The following CHRNA4 variants were observed in gnomAD, a reference collection of about 807,000 sequenced individuals.
The protein encoded by CHRNA4 is cholinergic receptor nicotinic alpha 4 subunit.
CHRNA4 carries 28 observed loss-of-function variants against 48.9 expected under a neutral mutation model. That is an observed-to-expected ratio of 0.57 (90% CI 0.42 to 0.79). The LOEUF (loss-of-function observed/expected upper bound fraction) is 0.79. CHRNA4 is among the 30% of genes least tolerant of loss of function. CHRNA4 has a pLI of 0.00. For synonymous variants in CHRNA4, 425 were observed against 402.3 expected (o/e 1.06, Z -0.68); for missense variants, 859 against 898.4 (o/e 0.96, Z 0.56).
Position 63,344,182 on chromosome 20 carries a change from TAA to T in CHRNA4, c.*2554_*2555del. The T allele has an allele frequency of 2.2e-6, 1 of 454,034 alleles. No homozygotes were observed. Among genetic ancestry groups the T allele is most frequent in the South Asian group, 1.6e-5 (1 of 64,470 alleles). The allele number at this position is 454,034 out of a possible 1,614,324, so 28.1% of individuals were successfully genotyped here. On this transcript the variant is annotated 3_prime_UTR_variant, in exon 6 of 6. Coordinates refer to ENST00000370263, the MANE Select transcript of CHRNA4 (RefSeq NM_000744.7). This position sits in a 1 kb window ranked among gnomAD's most constrained non-coding sequence, Gnocchi z 4.5. The stretch of plus-strand genomic sequence containing the variant: ...ACACACAACAGCACGGATGAAGCTC[TAA>T]GTCATAGGATGAAGAAGCCAGACAT...
In CHRNA4 at chr20:63,359,905, G is replaced by GTGTGTGTGTGTGCCGGGCGTGCGC. The variant is rs1555840815; in HGVS notation, c.77-207_77-206insGCGCACGCCCGGCACACACACACA. 0.019 allele frequency: 6,367 copies of GTGTGTGTGTGTGCCGGGCGTGCGC among 329,642 alleles called. 130 individuals carry two copies. Among genetic ancestry groups the GTGTGTGTGTGTGCCGGGCGTGCGC allele is most frequent in the African/African-American group, 0.096 (2,903 of 30,178 alleles). The allele number at this position is 329,642 out of a possible 1,614,324, so 20.4% of individuals were successfully genotyped here. On this transcript the variant is annotated intron_variant, in intron 1 of 5. Transcript: ENST00000370263. ...TGTGTGCCGGGCGTGTGCTGTGTGT[G>GTGTGTGTGTGTGCCGGGCGTGCGC]TGTGTGTGTGTGTGTGTGTGTGTGC... is the stretch of plus-strand genomic sequence containing the variant.
chr20:63,351,129 A>G, intron 4 of CHRNA4, 102 bp from the exon 5 acceptor site: 1 of 1,190,400 alleles, frequency 8.4e-7, no homozygotes. Flanking sequence ...ACCCACACCC[A>G]CATCCACGCC....
At chr20:63,352,263 C>G (rs900689984) in intron 4 of CHRNA4, among the ~76,000 whole-genome samples, 33 of 152,308 alleles carry the variant, frequency 2.2e-4, no homozygotes, top group African/African-American at 7.7e-4. Flanking sequence ...CCCCCGAGTC[C>G]CAGGGCTGGA....
At chr20:63,355,075 C>T (rs188655794) in intron 4 of CHRNA4, among the ~76,000 whole-genome samples, 312 of 152,270 alleles carry the variant, frequency 2.0e-3, no homozygotes, top group Non-Finnish European at 3.4e-3. Flanking sequence ...ATGGCTGGGA[C>T]GGGAGAGGAG....
At chr20:63,359,995 A>T (rs1427424393) in intron 1 of CHRNA4, 1 of 398,180 alleles carries the variant, frequency 2.5e-6, no homozygotes, top group African/African-American at 2.1e-5. Flanking sequence ...TGTAATTGTG[A>T]TTTCCTCGGG....
At position 63,343,687 on chromosome 20, in the gene CHRNA4, G is replaced by C; in HGVS notation, c.*3051C>G. The C allele has an allele frequency of 2.2e-6, 1 of 446,626 alleles. No homozygotes were observed. The highest frequency in any genetic ancestry group is 4.5e-6 in the Non-Finnish European group (1 of 221,910). 27.7% of individuals were successfully genotyped at this position (446,626 alleles called of 1,614,324 possible). On this transcript the variant is annotated 3_prime_UTR_variant, in exon 6 of 6. Coordinates refer to ENST00000370263, the MANE Select transcript of CHRNA4 (RefSeq NM_000744.7). ...GAGGCAGAAGGGGCTGGGAAGCCCT[G>C]GCCAGGGCCTTCACTGGGGCCTCCC...
chr20:63,349,980 C>T lies in CHRNA4; in HGVS notation c.1431G>A (p.Ala477=), dbSNP rs80307076. ...SVQHMSSPGE[A]VEGGVRCRSR... ...ACCGGCACCGGACGCCGCCTTCCAC[C>T]GCTTCGCCAGGGCTGGACATGTGCT... is the stretch of plus-strand genomic sequence containing the variant. Residue 477 remains alanine, a synonymous_variant, in exon 5 of 6, where the codon GCG becomes GCA. Coordinates refer to ENST00000370263, the MANE Select transcript of CHRNA4 (RefSeq NM_000744.7). 8.2e-5 allele frequency: 127 copies of T among 1,553,064 alleles called. No individual in the cohort carries two copies. In the African/African-American group the frequency reaches 9.6e-4, roughly 12 times the overall value.
chr20:63,361,091 G>A lies in CHRNA4; in HGVS notation c.75C>T (p.Arg25=), dbSNP rs1601498641. The A allele has an allele frequency of 6.8e-7, 1 of 1,464,858 alleles. No homozygotes were observed. Among genetic ancestry groups the A allele is most frequent in the Non-Finnish European group, 9.0e-7 (1 of 1,113,012 alleles). 90.7% of individuals were successfully genotyped at this position (1,464,858 alleles called of 1,614,324 possible). A position where few individuals can be genotyped will look rare whatever the true frequency, so the allele number is the denominator to read the frequency against. The part of the protein sequence containing the change: ...LLLLLGTGLL[R]ASSHVETRAH... ...CCCATCCCGCGCCCCGTAACTTACC[G>A]CGCAGGAGGCCGGTCCCCAGAAGCA... Residue 25 remains arginine, a splice_region_variant and synonymous_variant, in exon 1 of 6, where the codon CGC becomes CGT. Transcript: ENST00000370263.
chr20:63,355,781 C>T (rs1764645341), intron 4 of CHRNA4, 194 bp downstream of exon 4: 2 of 880,458 alleles, frequency 2.3e-6, no homozygotes, highest in Non-Finnish European at 3.5e-6. Flanking sequence ...ACCCTTCCCT[C>T]CTCAACCCAC....
intron 5 of CHRNA4, 153 bp downstream of exon 5, chr20:63,349,500 A>G (rs1324116321): frequency 9.9e-6 from 10 of 1,013,048 alleles, no homozygotes; most frequent in Non-Finnish European, 1.5e-5. Flanking sequence ...CAGGCTTGGG[A>G]AGAGGCTGCT....
rs145105362 is a variant in CHRNA4, at chr20:63,357,268, G to A, written c.229-853C>T. On this transcript the variant is annotated intron_variant, in intron 2 of 5. Transcript: ENST00000370263. ...CCACGTCCCCACAGACCATGTCTCC[G>A]TGCAGGGCCATATCTCCCCACAGGA... Among the ~76,000 whole-genome samples, 274 of 151,384 alleles carry A rather than the reference G, an allele frequency of 1.8e-3. 1 individual carries two copies. The highest frequency in any genetic ancestry group is 3.8e-3 in the African/African-American group (155 of 41,264).
At chr20:63,351,234 A>ATCCATGCCCCCGTCCACGTCCACG in intron 4 of CHRNA4, 1 of 354,860 alleles carries the variant, frequency 2.8e-6, no homozygotes, top group South Asian at 2.3e-5. Context: ...CCACATCCAC[A>ATCCATGCCCCCGTCCACGTCCACG]CCCACGTCCA....
chr20:63,351,824 T>A (rs1280637697), intron 4 of CHRNA4, among the ~76,000 whole-genome samples: 2 of 152,242 alleles, frequency 1.3e-5, no homozygotes, highest in African/African-American at 4.8e-5. Context: ...GAGGGGCTGA[T>A]GTCCCTTGAA....
chr20:63,344,775 G>A lies in CHRNA4; in HGVS notation c.*1963C>T, dbSNP rs1167265584. The stretch of plus-strand genomic sequence containing the variant: ...CTCCTGCCAGCTTCCATGGCCCCGG[G>A]ATGACCTCACTCTCCCAGGGTCTCC... On this transcript the variant is annotated 3_prime_UTR_variant, in exon 6 of 6. Transcript: ENST00000370263. The surrounding 1 kb of genome is among the most constrained non-coding windows in gnomAD (Gnocchi z 4.5). The A allele has an allele frequency of 4.4e-6, 2 of 454,024 alleles. No homozygotes were observed. The highest frequency in any genetic ancestry group is 8.8e-6 in the Non-Finnish European group (2 of 226,804). 28.1% of individuals were successfully genotyped at this position (454,024 alleles called of 1,614,324 possible). A position where few individuals can be genotyped will look rare whatever the true frequency, so the allele number is the denominator to read the frequency against.
At chr20:63,354,581 G>T in intron 4 of CHRNA4, 1 of 712,850 alleles carries the variant, frequency 1.4e-6, no homozygotes, top group Non-Finnish European at 1.7e-6. Flanking sequence ...GTGAGGCTGT[G>T]GAAGTGGGGG....
At chr20:63,349,521 C>A in intron 5 of CHRNA4, 132 bp downstream of exon 5, 1 of 1,170,532 alleles carries the variant, frequency 8.5e-7, no homozygotes, top group Admixed American at 1.8e-5. Context: ...GCAGCAGGGG[C>A]CACGCCCTGC....
chr20:63,343,937 TC>T lies in CHRNA4; in HGVS notation c.*2800del, dbSNP rs1568801148. Reference sequence around the variant, plus strand: ...AACTAACTGGCCCTAGGAGGAGCAGTCCTGGGTCTGAAAGATGTTAAAACAT... The same window carrying T: ...AACTAACTGGCCCTAGGAGGAGCAGTCTGGGTCTGAAAGATGTTAAAACAT... On this transcript the variant is annotated 3_prime_UTR_variant, in exon 6 of 6. Transcript: ENST00000370263. The T allele has an allele frequency of 2.2e-6, 1 of 454,066 alleles. No individual in the cohort carries two copies. Among genetic ancestry groups the T allele is most frequent in the Non-Finnish European group, 4.4e-6 (1 of 226,786 alleles). 28.1% of individuals were successfully genotyped at this position (454,066 alleles called of 1,614,324 possible). A position where few individuals can be genotyped will look rare whatever the true frequency, so the allele number is the denominator to read the frequency against.
chr20:63,359,072 G>C (rs1189214548), intron 2 of CHRNA4, among the ~76,000 whole-genome samples: 2 of 151,544 alleles, frequency 1.3e-5, no homozygotes, highest in Admixed American at 6.6e-5. Flanking sequence ...AACAGACTTC[G>C]CCCAAGACTC....
At position 63,351,000 on chromosome 20, in the gene CHRNA4, G is replaced by A. The variant is rs201467277; in HGVS notation, c.411C>T (p.His137=). The A allele has an allele frequency of 7.4e-6, 12 of 1,613,166 alleles. No homozygotes were observed. Among genetic ancestry groups the A allele is most frequent in the Admixed American group, 3.3e-5 (2 of 59,958 alleles). The change falls in exon 5 of 6, where the codon CAC becomes CAT. Residue 137 remains histidine, a synonymous_variant. Coordinates refer to ENST00000370263, the MANE Select transcript of CHRNA4 (RefSeq NM_000744.7). Reference sequence around the variant, plus strand: ...CATGGAACAGGTGGGCCTTGGTCAGGTGGGTGACCGCGAAGTCCCCGTCAG... The same window carrying A: ...CATGGAACAGGTGGGCCTTGGTCAGATGGGTGACCGCGAAGTCCCCGTCAG... ...NNADGDFAVT[H]LTKAHLFHDG...
Sources: gnomAD v4.1 joint callset for allele counts (sites outside exome capture counted in the v4.1 genomes callset) on GRCh38, gnomAD v4.1.1 for gene constraint, Gnocchi (gnomAD v3.1) non-coding constraint, MANE v1.5 for transcripts, NCBI Gene and HGNC (gene_info 2026-07-23, HGNC 2026-07-21) for gene names.